The following LDB2 variants were observed in gnomAD, a reference collection of about 807,000 sequenced individuals.
The protein encoded by LDB2 is LIM domain-binding protein 2.
In LDB2, 12 loss-of-function variants were observed where a neutral mutation model predicts 44.3. The ratio of observed to expected loss-of-function variants is 0.27; its 90% CI spans 0.17 to 0.44. LDB2 has a LOEUF of 0.44. Among genes scored for constraint, LDB2 ranks in the 20% least tolerant of loss-of-function variants. The pLI, the probability that LDB2 is intolerant of heterozygous loss-of-function variation, is 1.00. For missense variants in LDB2, 344 were observed against 473.5 expected, an observed-to-expected ratio of 0.73 and a Z score of 2.54; for synonymous variants, 164 against 174.8, an observed-to-expected ratio of 0.94 and a Z score of 0.49.
chr4:16,807,417 CTG>C (rs936010427), intron 1 of LDB2, among the ~76,000 whole-genome samples: 18 of 152,072 alleles, frequency 1.2e-4, no homozygotes, highest in African/African-American at 3.9e-4. Context: ...AATGAAAAAC[CTG>C]TGTGTGTGAG....
rs773717860 is a variant in LDB2 at position 16,533,379 on chromosome 4, T to A, written c.616-21275A>T. On this transcript the variant is annotated intron_variant, in intron 5 of 7. Coordinates refer to ENST00000304523, the MANE Select transcript of LDB2 (RefSeq NM_001290.5). The surrounding 1 kb of genome is among the most constrained non-coding windows in gnomAD (Gnocchi z 4.1). The stretch of plus-strand genomic sequence containing the variant: ...AATAATAATAGCTACCTCATGGATC[T>A]GAGGATACAAAGCAAAATCACATCT... Among the ~76,000 whole-genome samples, 9 of 152,220 alleles carry A rather than the reference T, an allele frequency of 5.9e-5. No individual in the cohort carries two copies. The highest frequency in any genetic ancestry group is 1.3e-4 in the Non-Finnish European group (9 of 68,044).
intron 1 of LDB2, among the ~76,000 whole-genome samples, chr4:16,821,768 A>AAAAAAAAAAAAC (rs1782113007): frequency 6.7e-6 from 1 of 150,204 alleles, no homozygotes; most frequent in South Asian, 2.1e-4. Flanking sequence ...AAAAAAAAAA[A>AAAAAAAAAAAAC]AATCAGGAAT....
At position 16,516,489 on chromosome 4, in the gene LDB2, G is replaced by T. The variant is rs59956553; in HGVS notation, c.616-4385C>A. Among the ~76,000 whole-genome samples, 1,169 of 152,260 alleles carry T rather than the reference G, an allele frequency of 7.7e-3. 20 individuals are homozygous for T. Among genetic ancestry groups the T allele is most frequent in the African/African-American group, 0.026 (1,088 of 41,556 alleles). ...GAATAACACAATCTCTGCCCTTAGA[G>T]GGAATCCTTAAAAATGCTTTAAGTA... On this transcript the variant is annotated intron_variant, in intron 5 of 7. Transcript: ENST00000304523.
intron 2 of LDB2, among the ~76,000 whole-genome samples, chr4:16,634,991 G>A (rs1055144108): frequency 6.6e-5 from 10 of 152,146 alleles, no homozygotes; most frequent in African/African-American, 2.4e-4. Context: ...GTCCTTTGCA[G>A]GGACATGGAT....
intron 5 of LDB2, among the ~76,000 whole-genome samples, chr4:16,578,413 C>T (rs1712746361): frequency 1.3e-5 from 2 of 152,112 alleles, no homozygotes; most frequent in African/African-American, 4.8e-5. Context: ...AGACATTTCA[C>T]AAAAAGAGAC....
intron 5 of LDB2, among the ~76,000 whole-genome samples, chr4:16,563,938 A>G (rs1743523820): frequency 6.6e-6 from 1 of 152,124 alleles, no homozygotes; most frequent in Admixed American, 6.5e-5. Flanking sequence ...GACATCAAAG[A>G]TTCTCAATGG....
chr4:16,586,169 C>G (rs1019919005), intron 4 of LDB2, among the ~76,000 whole-genome samples, 164 bp from the exon 5 acceptor site: 5 of 152,166 alleles, frequency 3.3e-5, no homozygotes, highest in South Asian at 2.1e-4. Context: ...AAGACACTTG[C>G]ATATAACACT....
intron 1 of LDB2, among the ~76,000 whole-genome samples, chr4:16,802,523 A>C (rs1172461776): frequency 5.9e-5 from 9 of 152,198 alleles, no homozygotes; most frequent in Non-Finnish European, 1.2e-4. Context: ...TTCACCTTTC[A>C]GGAAACAAGT....
At chr4:16,630,225 C>T (rs1578325286) in intron 2 of LDB2, among the ~76,000 whole-genome samples, 1 of 152,320 alleles carries the variant, frequency 6.6e-6, no homozygotes, top group South Asian at 2.1e-4. Context: ...GCCCAACAGA[C>T]TAACAGTGAT....
chr4:16,570,899 G>A (rs1356525629), intron 5 of LDB2, among the ~76,000 whole-genome samples: 2 of 152,134 alleles, frequency 1.3e-5, no homozygotes, highest in African/African-American at 4.8e-5. Context: ...TGAGATAAGA[G>A]GCTATTATTA....
At chr4:16,826,489 C>T (rs1218543848) in intron 1 of LDB2, 2 of 152,192 alleles carry the variant, frequency 1.3e-5, no homozygotes, top group East Asian at 3.8e-4. Context: ...TTTCTACCTC[C>T]AGAATATGAA....
At chr4:16,660,298 C>G (rs1351311263) in intron 2 of LDB2, among the ~76,000 whole-genome samples, 1 of 152,178 alleles carries the variant, frequency 6.6e-6, no homozygotes, top group Non-Finnish European at 1.5e-5. Flanking sequence ...ACACAAAACT[C>G]ATATTTTGTA....
chr4:16,597,473 A>G (rs1721296013), intron 2 of LDB2, among the ~76,000 whole-genome samples: 1 of 152,232 alleles, frequency 6.6e-6, no homozygotes, highest in Non-Finnish European at 1.5e-5. Context: ...CTAATATTAT[A>G]AAGAAAACTT....
At chr4:16,506,143 CAGT>C in intron 7 of LDB2, 1 of 650,744 alleles carries the variant, frequency 1.5e-6, no homozygotes, top group South Asian at 2.2e-5. Context: ...TCTAGTTAAC[CAGT>C]AGAATAGTGT....
intron 1 of LDB2, among the ~76,000 whole-genome samples, chr4:16,871,902 G>A (rs1387628395): frequency 1.3e-5 from 2 of 152,140 alleles, no homozygotes; most frequent in African/African-American, 4.8e-5. Flanking sequence ...GATTACAGGT[G>A]TGAGCTACCG....
chr4:16,823,103 G>A (rs1473916308), intron 1 of LDB2, among the ~76,000 whole-genome samples: 1 of 152,196 alleles, frequency 6.6e-6, no homozygotes, highest in Non-Finnish European at 1.5e-5. Context: ...AGCACAATTT[G>A]TCTGTCTTCC....
intron 1 of LDB2, among the ~76,000 whole-genome samples, chr4:16,779,742 T>TCCC (rs907482465): frequency 2.4e-4 from 37 of 152,242 alleles, no homozygotes; most frequent in Non-Finnish European, 2.2e-4. Flanking sequence ...CATGGTCAGT[T>TCCC]CAGTTGACTG....
chr4:16,852,877 A>G (rs1788565709), intron 1 of LDB2, among the ~76,000 whole-genome samples: 1 of 152,176 alleles, frequency 6.6e-6, no homozygotes, highest in Admixed American at 6.5e-5. Flanking sequence ...TAAATATTGA[A>G]GTAAGTTTAT....
At chr4:16,621,326 T>A (rs1009416874) in intron 2 of LDB2, among the ~76,000 whole-genome samples, 2 of 152,160 alleles carry the variant, frequency 1.3e-5, no homozygotes, top group African/African-American at 2.4e-5. Context: ...AACTCTGCCT[T>A]AGACTCTGTC....
Sources: allele counts gnomAD v4.1 joint callset (sites outside exome capture counted in the v4.1 genomes callset), GRCh38; gene constraint gnomAD v4.1.1; non-coding constraint Gnocchi (gnomAD v3.1); transcripts MANE v1.5; gene names NCBI Gene and HGNC (gene_info 2026-07-23, HGNC 2026-07-21).